The following TRIM69 variants were observed in gnomAD, a reference collection of about 807,000 sequenced individuals.
TRIM69 encodes tripartite motif containing 69.
TRIM69 carries 29 observed loss-of-function variants against 37.7 expected under a neutral mutation model. The ratio of observed to expected loss-of-function variants is 0.77; its 90% CI spans 0.57 to 1.05. The LOEUF (loss-of-function observed/expected upper bound fraction) is 1.05. Among genes scored for constraint, TRIM69 ranks in the 50% least tolerant of loss-of-function variants. The probability of loss-of-function intolerance (pLI) is 0.00; values close to 1 mark genes in which losing one functional copy is unlikely to be tolerated. For synonymous variants in TRIM69, 209 were observed against 212.4 expected (o/e 0.98, Z 0.14); for missense variants, 596 against 579.9 (o/e 1.03, Z -0.28).
intron 6 of TRIM69, among the ~76,000 whole-genome samples, chr15:44,764,524 A>C (rs74608800): frequency 1.4e-4 from 21 of 151,814 alleles, no homozygotes; most frequent in African/African-American, 5.1e-4. Flanking sequence ...TAAAGGTTTG[A>C]AGAGTAAATA....
chr15:44,763,054 C>T (rs2468071), intron 6 of TRIM69, among the ~76,000 whole-genome samples: 99,875 of 152,000 alleles, frequency 0.66, 33,481 homozygotes, highest in Non-Finnish European at 0.71. Flanking sequence ...AACTAATGAA[C>T]CAAATTGATA....
At chr15:44,761,476 G>A (rs750636158) in intron 6 of TRIM69, among the ~76,000 whole-genome samples, 9 of 151,998 alleles carry the variant, frequency 5.9e-5, no homozygotes, top group Non-Finnish European at 1.0e-4. Context: ...TTGTTTTGGT[G>A]GGAGGGTGGG....
At chr15:44,766,585 A>G (rs1045964768) in intron 6 of TRIM69, among the ~76,000 whole-genome samples, 1 of 152,160 alleles carries the variant, frequency 6.6e-6, no homozygotes, top group Non-Finnish European at 1.5e-5. Context: ...TTCCTAGAAC[A>G]TCCTTACCTA....
intron 1 of TRIM69, among the ~76,000 whole-genome samples, chr15:44,739,358 G>A (rs1655038755): frequency 6.6e-6 from 1 of 152,230 alleles, no homozygotes; most frequent in South Asian, 2.1e-4. Flanking sequence ...ATCTCACTAG[G>A]GAGTGCCAGA....
chr15:44,753,161 CT>C (rs2087570624), intron 1 of TRIM69: 1 of 152,074 alleles, frequency 6.6e-6, no homozygotes, highest in African/African-American at 2.4e-5. Flanking sequence ...TGTAGGACTC[CT>C]TTTAGCATTT....
intron 1 of TRIM69, among the ~76,000 whole-genome samples, chr15:44,741,325 AG>A (rs2141308133): frequency 6.6e-6 from 1 of 152,120 alleles, no homozygotes; most frequent in East Asian, 1.9e-4. Context: ...CAGTGTGTAG[AG>A]GGAAATTTAT....
intron 3 of TRIM69, 144 bp downstream of exon 3, chr15:44,756,607 A>G: frequency 1.7e-6 from 1 of 589,130 alleles, no homozygotes; most frequent in East Asian, 2.8e-5. Flanking sequence ...CTGAGTCTGT[A>G]GGGTGGAAAG....
chr15:44,739,557 A>G (rs1369972502), intron 1 of TRIM69, among the ~76,000 whole-genome samples: 1 of 152,218 alleles, frequency 6.6e-6, no homozygotes, highest in Non-Finnish European at 1.5e-5. Flanking sequence ...GGCTTAAAGA[A>G]CGGTGCACCA....
chr15:44,740,021 C>A (rs1354690875), intron 1 of TRIM69, among the ~76,000 whole-genome samples: 1 of 152,146 alleles, frequency 6.6e-6, no homozygotes. Flanking sequence ...CCGGGTACTC[C>A]TCTGAGACAA....
intron 1 of TRIM69, among the ~76,000 whole-genome samples, chr15:44,750,374 T>C (rs946851777): frequency 1.3e-5 from 2 of 152,150 alleles, no homozygotes; most frequent in Admixed American, 6.5e-5. Context: ...CGTCTGGTCC[T>C]GGGCTTTTCT....
intron 1 of TRIM69, among the ~76,000 whole-genome samples, chr15:44,742,961 C>T (rs1390291632): frequency 6.6e-6 from 1 of 151,636 alleles, no homozygotes; most frequent in Non-Finnish European, 1.5e-5. Flanking sequence ...TTGGAAAAAA[C>T]TACTTTAAAG....
intron 2 of TRIM69, among the ~76,000 whole-genome samples, chr15:44,755,892 G>A (rs1048087046): frequency 6.6e-6 from 1 of 152,116 alleles, no homozygotes; most frequent in Admixed American, 6.5e-5. Flanking sequence ...GCAGAAGGAA[G>A]AAACAAATGT....
chr15:44,745,712 AAAAGGAACC>A, intron 1 of TRIM69, among the ~76,000 whole-genome samples: 1 of 152,336 alleles, frequency 6.6e-6, no homozygotes, highest in Middle Eastern at 3.4e-3. Flanking sequence ...AGAAGTTATA[AAAAGGAACC>A]AAAGAGAAAT....
At chr15:44,736,748 C>T (rs2087170779) in intron 1 of TRIM69, 38 bp downstream of exon 1, 4 of 1,601,942 alleles carry the variant, frequency 2.5e-6, no homozygotes, top group Non-Finnish European at 3.4e-6. Flanking sequence ...AGCAGGGCTT[C>T]TAGGAATAGT....
chr15:44,738,050 CTTTCTTTTTTTT>C (rs1407703571), intron 1 of TRIM69, among the ~76,000 whole-genome samples: 4 of 118,014 alleles, frequency 3.4e-5, no homozygotes, highest in Admixed American at 8.5e-5. Flanking sequence ...TACTTTCTTT[CTTTCTTTTTTTT>C]TTTTTTTTTT....
rs1016144646 is a variant in TRIM69, at chr15:44,758,870, A to T, written c.813+16A>T. The T allele has an allele frequency of 1.2e-6, 2 of 1,603,418 alleles. No homozygotes were observed. Among genetic ancestry groups the T allele is most frequent in the Non-Finnish European group, 1.7e-6 (2 of 1,174,594 alleles). On this transcript the variant is annotated intron_variant, in intron 4 of 6. Transcript: ENST00000329464. Reference sequence around the variant, plus strand: ...CTTTCTCAAAGTGAGAATCCACACCAATATGATTATGGGTACCTTCCTACC... The same window carrying T: ...CTTTCTCAAAGTGAGAATCCACACCTATATGATTATGGGTACCTTCCTACC...
At chr15:44,738,050 C>CTTTTTTTT (rs772041054) in intron 1 of TRIM69, among the ~76,000 whole-genome samples, 3 of 118,018 alleles carry the variant, frequency 2.5e-5, no homozygotes, top group African/African-American at 1.0e-4. Context: ...TACTTTCTTT[C>CTTTTTTTT]TTTCTTTTTT....
intron 6 of TRIM69, 134 bp from the exon 7 acceptor site, chr15:44,767,097 T>C (rs1369131455): frequency 3.3e-5 from 6 of 182,050 alleles, no homozygotes; most frequent in Non-Finnish European, 5.3e-5. Flanking sequence ...ATATAAGTAA[T>C]TGCTTGCCTG....
chr15:44,750,090 A>G (rs902530680), intron 1 of TRIM69, among the ~76,000 whole-genome samples: 1 of 152,114 alleles, frequency 6.6e-6, no homozygotes, highest in East Asian at 1.9e-4. Flanking sequence ...ATTTTTTGCT[A>G]TTGAGTTGTA....
Sources: gnomAD v4.1 joint callset for allele counts (sites outside exome capture counted in the v4.1 genomes callset) on GRCh38, gnomAD v4.1.1 for gene constraint, MANE v1.5 for transcripts, NCBI Gene and HGNC (gene_info 2026-07-23, HGNC 2026-07-21) for gene names.